PCBP3: variants seen among roughly 807,000 people sequenced by gnomAD.
PCBP3 encodes the protein poly(rC) binding protein 3.
A neutral mutation model predicts 52.7 loss-of-function variants in PCBP3; 25 were observed. That is an observed-to-expected ratio of 0.47 (90% CI 0.35 to 0.66). The LOEUF is 0.66. Ranked by LOEUF, PCBP3 falls within the 30% of genes least tolerant of loss-of-function variation. The pLI is 0.01. For missense variants in PCBP3, 391 were observed against 490.3 expected (o/e 0.80, Z 1.91); for synonymous variants, 162 against 183.0 (o/e 0.89, Z 0.93).
At chr21:45,869,533 G>T (rs2094912295) in intron 5 of PCBP3, among the ~76,000 whole-genome samples, 1 of 152,210 alleles carries the variant, frequency 6.6e-6, no homozygotes, top group South Asian at 2.1e-4. Flanking sequence ...GAGGCTTGGG[G>T]TGACCGCTGC....
intron 14 of PCBP3, 81 bp downstream of exon 14, chr21:45,930,076 TGCATA>T: frequency 1.0e-6 from 1 of 993,132 alleles, no homozygotes; most frequent in Non-Finnish European, 1.6e-6. Context: ...TTCGGTGCAG[TGCATA>T]GAACAGGTGC....
chr21:45,820,086 A>G (rs1330422226), intron 4 of PCBP3, among the ~76,000 whole-genome samples: 1 of 152,244 alleles, frequency 6.6e-6, no homozygotes, highest in Non-Finnish European at 1.5e-5. Context: ...CGTTTCAGCC[A>G]CTGGCTCTGA....
chr21:45,712,701 ATT>A (rs908377850), intron 2 of PCBP3, among the ~76,000 whole-genome samples: 3 of 141,186 alleles, frequency 2.1e-5, no homozygotes, highest in Middle Eastern at 3.7e-3. Context: ...TCTTTCTTTC[ATT>A]TTTTTTTTTT....
chr21:45,937,322 G>A (rs406179), intron 16 of PCBP3, among the ~76,000 whole-genome samples: 63,144 of 151,944 alleles, frequency 0.42, 14,498 homozygotes, highest in African/African-American at 0.61. Flanking sequence ...GACGATCACT[G>A]TGGGCCTCCC....
At chr21:45,826,293 G>A (rs576511414) in intron 4 of PCBP3, among the ~76,000 whole-genome samples, 35 of 152,132 alleles carry the variant, frequency 2.3e-4, no homozygotes, top group Non-Finnish European at 4.6e-4. Flanking sequence ...ATAAAGCAGT[G>A]AGAATGAGAC....
chr21:45,807,570 G>C (rs1455121106), intron 4 of PCBP3, among the ~76,000 whole-genome samples: 2 of 152,116 alleles, frequency 1.3e-5, no homozygotes, highest in Non-Finnish European at 2.9e-5. Context: ...CCATGCTCAT[G>C]GATAGGAAGA....
At chr21:45,665,910 A>G (rs1457185225) in intron 1 of PCBP3, among the ~76,000 whole-genome samples, 2 of 152,224 alleles carry the variant, frequency 1.3e-5, no homozygotes. Flanking sequence ...ACGTATCAAA[A>G]AGATAATACA....
At chr21:45,908,351 C>A (rs751211279) in intron 9 of PCBP3, among the ~76,000 whole-genome samples, 3 of 152,216 alleles carry the variant, frequency 2.0e-5, no homozygotes, top group African/African-American at 4.8e-5. Flanking sequence ...TCTCCCCAGC[C>A]TCACCAGAAA....
Position 45,904,056 on chromosome 21 carries a change from A to G in PCBP3, c.339+2943A>G, listed in dbSNP as rs1603483100. 2.6e-5 allele frequency among the ~76,000 whole-genome samples: 4 copies of G among 152,210 alleles called. No homozygotes were observed. Among genetic ancestry groups the G allele is most frequent in the African/African-American group, 7.2e-5 (3 of 41,440 alleles). On this transcript the variant is annotated intron_variant, in intron 9 of 17. Transcript: ENST00000681687. The surrounding 1 kb of genome is among the most constrained non-coding windows in gnomAD (Gnocchi z 4.8). ...TCTCTGACGTCCCTTCCAGTAGACAAAATCTCCTGGTTGAAGGTCCTAAGG... is the reference window on the plus strand; with the variant it reads ...TCTCTGACGTCCCTTCCAGTAGACAGAATCTCCTGGTTGAAGGTCCTAAGG...
chr21:45,898,034 C>G (rs535343619), intron 6 of PCBP3, among the ~76,000 whole-genome samples: 1 of 152,276 alleles, frequency 6.6e-6, no homozygotes, highest in African/African-American at 2.4e-5. Flanking sequence ...GAAGACACGG[C>G]CTCCTCCCCA....
chr21:45,735,110 C>T lies in PCBP3; in HGVS notation c.-199-282C>T, dbSNP rs1045796720. ...GCTGTGCCCCAGACGTCAGTCAGGC[C>T]GAGGACTGTGGGTCAAGGTTCAGGG... On this transcript the variant is annotated intron_variant, in intron 2 of 17. Coordinates refer to ENST00000681687, the MANE Select transcript of PCBP3 (RefSeq NM_001384156.1). This position sits in a 1 kb window ranked among gnomAD's most constrained non-coding sequence, Gnocchi z 4.0. 3.3e-5 allele frequency among the ~76,000 whole-genome samples: 5 copies of T among 152,272 alleles called. No individual in the cohort carries two copies. The highest frequency in any genetic ancestry group is 7.4e-5 in the Non-Finnish European group (5 of 68,018).
At chr21:45,725,546 C>T (rs1685305159) in intron 2 of PCBP3, among the ~76,000 whole-genome samples, 1 of 152,216 alleles carries the variant, frequency 6.6e-6, no homozygotes, top group Non-Finnish European at 1.5e-5. Flanking sequence ...CTCCATTAAG[C>T]CTCTGCTGGG....
Position 45,735,892 on chromosome 21 carries a change from T to C in PCBP3, c.-162+463T>C, listed in dbSNP as rs1177988998. On this transcript the variant is annotated intron_variant, in intron 3 of 17. Coordinates refer to ENST00000681687, the MANE Select transcript of PCBP3 (RefSeq NM_001384156.1). This position sits in a 1 kb window ranked among gnomAD's most constrained non-coding sequence, Gnocchi z 4.0. The stretch of plus-strand genomic sequence containing the variant: ...CACCACAATGTCTGAAGCCACACAG[T>C]GCATGGGTGACATCTGTGGAAAGGA... Among the ~76,000 whole-genome samples the C allele has an allele frequency of 2.0e-5, 3 of 152,190 alleles. No individual in the cohort carries two copies. Among genetic ancestry groups the C allele is most frequent in the Non-Finnish European group, 4.4e-5 (3 of 68,030 alleles).
intron 15 of PCBP3, among the ~76,000 whole-genome samples, chr21:45,932,750 G>A (rs1236348455): frequency 6.7e-6 from 1 of 148,288 alleles, no homozygotes; most frequent in Non-Finnish European, 1.5e-5. Flanking sequence ...TGAACACCTG[G>A]TCCATGCCAT....
chr21:45,928,217 G>A lies in PCBP3; in HGVS notation c.718-1700G>A, dbSNP rs77366797. ...TCAGCTGGTGTCCTTGGGACAGGAT[G>A]TCCCCCACAAGCTCTCCTGGCACCC... On this transcript the variant is annotated intron_variant, in intron 13 of 17. Transcript: ENST00000681687. This position sits in a 1 kb window ranked among gnomAD's most constrained non-coding sequence, Gnocchi z 4.1. Among the ~76,000 whole-genome samples the A allele has an allele frequency of 0.011, 1,653 of 152,334 alleles. 24 individuals are homozygous for A. Among genetic ancestry groups the A allele is most frequent in the African/African-American group, 0.038 (1,589 of 41,582 alleles).
In PCBP3 at chr21:45,841,675, C is replaced by T. The variant is rs755402209; in HGVS notation, c.-125-8286C>T. Among the ~76,000 whole-genome samples the T allele has an allele frequency of 8.5e-5, 13 of 152,110 alleles. No homozygotes were observed. In the South Asian group the frequency reaches 1.0e-3, roughly 12 times the overall value. ...ACTTCTTTTTGGTAGTGTTCTCATA[C>T]GGGATTTGATCATAATTCTTTGTGT... On this transcript the variant is annotated intron_variant, in intron 4 of 17. Coordinates refer to ENST00000681687, the MANE Select transcript of PCBP3 (RefSeq NM_001384156.1).
At chr21:45,902,497 G>T (rs6518260) in intron 9 of PCBP3, among the ~76,000 whole-genome samples, 71,058 of 152,104 alleles carry the variant, frequency 0.47, 18,495 homozygotes, top group African/African-American at 0.71. Context: ...CAGCTGTGCT[G>T]CAGGGTCCTC....
rs145892465 is a variant in PCBP3 at position 45,899,581 on chromosome 21, AT to A, written c.166-8del. 1,239 of 1,484,948 alleles carry A rather than the reference AT, an allele frequency of 8.3e-4. 2 individuals are homozygous for A. Among genetic ancestry groups the A allele is most frequent in the East Asian group, 4.7e-3 (194 of 41,434 alleles). The allele number at this position is 1,484,948 out of a possible 1,614,324, so 92.0% of individuals were successfully genotyped here. ...TGCTCTATGACATCATCTTTCTGTG[AT>A]TTTTTTTTTCTTGCAGGAAGTTGGA... is the stretch of plus-strand genomic sequence containing the variant. On this transcript the variant is annotated splice_polypyrimidine_tract_variant and intron_variant, in intron 6 of 17. Transcript: ENST00000681687.
chr21:45,705,473 T>A (rs772984679), intron 2 of PCBP3, among the ~76,000 whole-genome samples: 1 of 152,170 alleles, frequency 6.6e-6, no homozygotes, highest in Non-Finnish European at 1.5e-5. Flanking sequence ...TGCAGCTCCC[T>A]GGGGAGTCTA....
Sources: allele counts gnomAD v4.1 joint callset (sites outside exome capture counted in the v4.1 genomes callset), GRCh38; gene constraint gnomAD v4.1.1; non-coding constraint Gnocchi (gnomAD v3.1); transcripts MANE v1.5; gene names NCBI Gene and HGNC (gene_info 2026-07-23, HGNC 2026-07-21).